MACIR: variants seen among roughly 807,000 people sequenced by gnomAD.
The protein encoded by MACIR is macrophage immunometabolism regulator, also known as UNC119-binding protein C5orf30.
In MACIR, 4 loss-of-function variants were observed where a neutral mutation model predicts 14.3. That is an observed-to-expected ratio of 0.28 (90% CI 0.14 to 0.64). The LOEUF is 0.64. Ranked by LOEUF, MACIR falls within the 30% of genes least tolerant of loss-of-function variation. The pLI, the probability that MACIR is intolerant of heterozygous loss-of-function variation, is 0.83. For synonymous variants in MACIR, 101 were observed against 102.4 expected (o/e 0.99, Z 0.08); for missense variants, 228 against 257.6 (o/e 0.89, Z 0.79).
rs782161696 is a variant in MACIR at position 103,275,738 on chromosome 5, C to T, written c.-23-159C>T. 7.2e-5 allele frequency among the ~76,000 whole-genome samples: 11 copies of T among 152,260 alleles called. No homozygotes were observed. In the East Asian group the frequency reaches 7.7e-4, roughly 11 times the overall value. ...CAGAGAGGTATTGTCATTTCATGCC[C>T]GCTCTGAAACGTTTAGTAGACATAG... On this transcript the variant is annotated intron_variant, in intron 2 of 2. Transcript: ENST00000319933.
upstream of MACIR, chr5:103,258,695 C>CGGAGGA (rs1562544029): frequency 1.3e-5 from 2 of 152,888 alleles, no homozygotes; most frequent in Non-Finnish European, 2.9e-5. Flanking sequence ...GAGGAGGAGG[C>CGGAGGA]GGAGGAGGAG....
chr5:103,267,173 C>T (rs1368740864), intron 2 of MACIR, among the ~76,000 whole-genome samples: 1 of 152,170 alleles, frequency 6.6e-6, no homozygotes, highest in South Asian at 2.1e-4. Flanking sequence ...GGATTGGTTC[C>T]AGGACTTCCC....
chr5:103,274,598 C>A (rs1320156727), intron 2 of MACIR, among the ~76,000 whole-genome samples: 1 of 150,796 alleles, frequency 6.6e-6, no homozygotes, highest in African/African-American at 2.4e-5. Context: ...TATCTGGTAA[C>A]TTCACAATCT....
At chr5:103,263,804 G>A (rs114097431) in intron 1 of MACIR, among the ~76,000 whole-genome samples, 233 of 152,196 alleles carry the variant, frequency 1.5e-3, no homozygotes, top group African/African-American at 5.4e-3. Context: ...GAGAAATAAA[G>A]CGGAAATATA....
At chr5:103,258,548 T>C (rs1240653535), upstream of MACIR, among the ~76,000 whole-genome samples, 2 of 152,174 alleles carry the variant, frequency 1.3e-5, no homozygotes, top group Non-Finnish European at 2.9e-5. Flanking sequence ...CGCCAACTTC[T>C]TCTGGCCTCT....
intron 2 of MACIR, among the ~76,000 whole-genome samples, chr5:103,267,100 A>G (rs1350732365): frequency 1.3e-5 from 2 of 152,120 alleles, no homozygotes; most frequent in African/African-American, 4.8e-5. Context: ...ATGTGTATCT[A>G]TGTCTATCCA....
intron 1 of MACIR, among the ~76,000 whole-genome samples, chr5:103,262,299 C>T (rs1399973655): frequency 5.3e-5 from 2 of 37,854 alleles, no homozygotes; most frequent in African/African-American, 3.5e-4. Flanking sequence ...TGGGTACACC[C>T]GAAGAAAGAA....
intron 2 of MACIR, among the ~76,000 whole-genome samples, chr5:103,274,937 G>C (rs182375986): frequency 6.6e-6 from 1 of 152,186 alleles, no homozygotes; most frequent in Non-Finnish European, 1.5e-5. Flanking sequence ...TCCCAAATTT[G>C]ATCTATCTGT....
chr5:103,261,709 T>TCTTTCTTC (rs1804732835), intron 1 of MACIR, among the ~76,000 whole-genome samples: 64 of 103,022 alleles, frequency 6.2e-4, no homozygotes, highest in African/African-American at 1.5e-3. Flanking sequence ...TTTCTTCCTT[T>TCTTTCTTC]CTTTCTTTCT....
intron 1 of MACIR, among the ~76,000 whole-genome samples, chr5:103,263,100 T>C (rs1554236437): frequency 6.6e-6 from 1 of 152,208 alleles, no homozygotes; most frequent in Non-Finnish European, 1.5e-5. Context: ...TTGTAGTAGA[T>C]TTCTTTATGG....
At position 103,276,407 on chromosome 5, in the gene MACIR, C is replaced by G; in HGVS notation, c.488C>G (p.Ala163Gly). ...LPLCLLKGKRAHSKSLDYLNL... is the reference protein window; with the variant it reads ...LPLCLLKGKRGHSKSLDYLNL... ...CTTTGTCTTCTTAAAGGTAAGAGGGCTCACTCCAAATCTCTGGACTACCTC... is the reference window on the plus strand; with the variant it reads ...CTTTGTCTTCTTAAAGGTAAGAGGGGTCACTCCAAATCTCTGGACTACCTC... Residue 163 changes from alanine to glycine, a missense_variant, in exon 3 of 3, where the codon GCT becomes GGT. By Grantham distance (60) the Ala-to-Gly change is moderately conservative. Transcript: ENST00000319933. The G allele has an allele frequency of 6.2e-7, 1 of 1,613,896 alleles. No individual in the cohort carries two copies. Among genetic ancestry groups the G allele is most frequent in the Non-Finnish European group, 8.5e-7 (1 of 1,179,974 alleles).
chr5:103,266,395 TATC>T (rs1297223805), intron 2 of MACIR, among the ~76,000 whole-genome samples: 2 of 152,168 alleles, frequency 1.3e-5, no homozygotes, highest in Non-Finnish European at 2.9e-5. Context: ...GGTTATATAT[TATC>T]ATACATAAAG....
At chr5:103,275,865 T>C (rs1337638937) in intron 2 of MACIR, 32 bp from the exon 3 acceptor site, 2 of 1,554,870 alleles carry the variant, frequency 1.3e-6, no homozygotes, top group Admixed American at 1.8e-5. Flanking sequence ...CTGTGCATTA[T>C]ATTCTTCTAA....
chr5:103,263,485 T>C (rs978456297), intron 1 of MACIR, among the ~76,000 whole-genome samples: 1 of 152,202 alleles, frequency 6.6e-6, no homozygotes, highest in African/African-American at 2.4e-5. Flanking sequence ...AGTTGGGTAA[T>C]GTCTTCAAGG....
In MACIR at chr5:103,276,727, A is replaced by G. The variant is rs1206703998; in HGVS notation, c.*187A>G. 9.9e-6 allele frequency: 5 copies of G among 503,898 alleles called. No individual in the cohort carries two copies. Among genetic ancestry groups the G allele is most frequent in the South Asian group, 9.5e-5 (2 of 20,970 alleles). The allele number at this position is 503,898 out of a possible 1,614,324, so 31.2% of individuals were successfully genotyped here. ...GAAATCACAGGTACTTGGGGGGGGG[A>G]TATCATTCTAGAGCACGCAACTGCA... On this transcript the variant is annotated 3_prime_UTR_variant, in exon 3 of 3. Coordinates refer to ENST00000319933, the MANE Select transcript of MACIR (RefSeq NM_033211.4).
chr5:103,267,211 A>T (rs550933344), intron 2 of MACIR, among the ~76,000 whole-genome samples: 2 of 152,250 alleles, frequency 1.3e-5, no homozygotes, highest in South Asian at 4.1e-4. Flanking sequence ...ATGATACGTA[A>T]GTCTCTGATA....
Position 103,276,317 on chromosome 5 carries a change from C to T in MACIR, c.398C>T (p.Ser133Leu), listed in dbSNP as rs1554237715. The T allele has an allele frequency of 6.2e-7, 1 of 1,612,904 alleles. No homozygotes were observed. The highest frequency in any genetic ancestry group is 8.5e-7 in the Non-Finnish European group (1 of 1,179,864). ...NGRRRRRMPS[S>L]GDKCTKSLPY... Reference sequence around the variant, plus strand: ...AGGAGGCGAAGGCGGATGCCAAGCTCAGGAGACAAGTGCACTAAATCTTTA... The same window carrying T: ...AGGAGGCGAAGGCGGATGCCAAGCTTAGGAGACAAGTGCACTAAATCTTTA... Residue 133 changes from serine (S) to leucine (L), a missense_variant, in exon 3 of 3, where the codon TCA (serine) becomes TTA (leucine). By Grantham distance (145) the Ser-to-Leu change is moderately radical. Coordinates refer to ENST00000319933, the MANE Select transcript of MACIR (RefSeq NM_033211.4).
Position 103,273,620 on chromosome 5 carries a change from A to G in MACIR, c.-23-2277A>G, listed in dbSNP as rs1271790467. On this transcript the variant is annotated intron_variant, in intron 2 of 2. Coordinates refer to ENST00000319933, the MANE Select transcript of MACIR (RefSeq NM_033211.4). Reference sequence around the variant, plus strand: ...CTTGATGCAGCAGGATTGGCTTAGTATGGGGAAAAACTTTTGATGATTCTG... The same window carrying G: ...CTTGATGCAGCAGGATTGGCTTAGTGTGGGGAAAAACTTTTGATGATTCTG... Among the ~76,000 whole-genome samples, 3 of 152,178 alleles carry G rather than the reference A, an allele frequency of 2.0e-5. No individual in the cohort carries two copies. In the East Asian group the frequency reaches 5.8e-4, roughly 29 times the overall value.
intron 2 of MACIR, among the ~76,000 whole-genome samples, chr5:103,268,409 T>C (rs1305262731): frequency 6.6e-6 from 1 of 152,164 alleles, no homozygotes; most frequent in Non-Finnish European, 1.5e-5. Flanking sequence ...TTAGCAGATA[T>C]TTCCAGCCCA....
Sources: allele counts gnomAD v4.1 joint callset (sites outside exome capture counted in the v4.1 genomes callset), GRCh38; gene constraint gnomAD v4.1.1; transcripts MANE v1.5; gene names NCBI Gene and HGNC (gene_info 2026-07-23, HGNC 2026-07-21).